The following BOD1L1 variants were observed in gnomAD, a reference collection of about 807,000 sequenced individuals.
BOD1L1 encodes biorientation of chromosomes in cell division protein 1-like 1.
BOD1L1 carries 86 observed loss-of-function variants against 240.7 expected under a neutral mutation model. That is an observed-to-expected ratio of 0.36 (90% CI 0.30 to 0.43). The LOEUF (loss-of-function observed/expected upper bound fraction) is 0.43, where lower values mean the gene tolerates loss of function less well. BOD1L1 is among the 20% of genes least tolerant of loss of function. The pLI is 1.00. For synonymous variants in BOD1L1, 1,268 were observed against 1,272.3 expected (o/e 1.00, Z 0.07); for missense variants, 3,554 against 3,643.5 (o/e 0.98, Z 0.63).
rs958400335 is a variant in BOD1L1 at position 13,609,237 on chromosome 4, C to G, written c.1603+58G>C. On this transcript the variant is annotated intron_variant, in intron 7 of 25. Coordinates refer to ENST00000040738, the MANE Select transcript of BOD1L1 (RefSeq NM_148894.3). The stretch of plus-strand genomic sequence containing the variant: ...ATGTCTCATAAGTAATATAAGAGTA[C>G]CCAGAAAATAATGAAATATATGAGA... 34 of 988,090 alleles carry G rather than the reference C, an allele frequency of 3.4e-5. No individual in the cohort carries two copies. The East Asian group carries it at 1.1e-3, about 31-fold the overall frequency. The allele number at this position is 988,090 out of a possible 1,614,324, so 61.2% of individuals were successfully genotyped here.
rs1325235752 is a variant in BOD1L1, at chr4:13,599,871, G to A, written c.7029C>T (p.Ser2343=). 5.6e-6 allele frequency: 9 copies of A among 1,613,874 alleles called. No individual in the cohort carries two copies. Among genetic ancestry groups the A allele is most frequent in the Non-Finnish European group, 6.8e-6 (8 of 1,179,888 alleles). The change falls in exon 10 of 26, where the codon AGC becomes AGT. Residue 2343 remains serine (S), a synonymous_variant. Transcript: ENST00000040738. The stretch of plus-strand genomic sequence containing the variant: ...GCTGATTCTCTTCATGTCTGTCAAT[G>A]CTGGCGGAAATTGGCATACATTCTG... ...STAECMPISA[S]IDRHEENQLT...
chr4:13,583,146 G>A (rs925408731), intron 17 of BOD1L1, among the ~76,000 whole-genome samples: 16 of 152,126 alleles, frequency 1.1e-4, no homozygotes, highest in African/African-American at 3.4e-4. Flanking sequence ...GGTGCCAAAG[G>A]GAATTTCTGG....
chr4:13,583,042 A>G (rs1437393348), intron 17 of BOD1L1, among the ~76,000 whole-genome samples: 2 of 152,196 alleles, frequency 1.3e-5, no homozygotes, highest in African/African-American at 4.8e-5. Context: ...TTTTTAAGAC[A>G]AACTCCAAAG....
At chr4:13,582,391 T>C (rs1713305222) in intron 18 of BOD1L1, 81 bp from the exon 19 acceptor site, 2 of 1,054,458 alleles carry the variant, frequency 1.9e-6, no homozygotes, top group Admixed American at 4.0e-5. Flanking sequence ...CCTACACAGC[T>C]GCAGCCACAC....
Position 13,604,756 on chromosome 4 carries a change from C to T in BOD1L1, c.2144G>A (p.Ser715Asn). 6.2e-7 allele frequency: 1 copy of T among 1,613,042 alleles called. No homozygotes were observed. The highest frequency in any genetic ancestry group is 1.1e-5 in the South Asian group (1 of 90,710). The change falls in exon 10 of 26, where the codon AGC (serine) becomes AAC (asparagine). Residue 715 changes from serine (S) to asparagine (N), a missense_variant. By Grantham distance (46) the Ser-to-Asn change is conservative. This residue lies in a region of BOD1L1 where 3,393 missense variants were observed against 3,427.1 expected (regional missense o/e 0.99). Coordinates refer to ENST00000040738, the MANE Select transcript of BOD1L1 (RefSeq NM_148894.3). ...GGATTTCACCTCTTTCTTAAGTAGG[C>T]TTTTCAAATGTGGTGTTTCAGAATC... is the stretch of plus-strand genomic sequence containing the variant. The part of the protein sequence containing the change: ...KDDSETPHLK[S>N]LLKKEVKSSK...
chr4:13,573,772 C>A (rs1235074384), intron 25 of BOD1L1, among the ~76,000 whole-genome samples: 1 of 152,174 alleles, frequency 6.6e-6, no homozygotes, highest in Non-Finnish European at 1.5e-5. Flanking sequence ...GAGCCACCAG[C>A]CTTGGACTCC....
chr4:13,614,057 T>G (rs774328947), intron 4 of BOD1L1, 139 bp downstream of exon 4: 43 of 737,100 alleles, frequency 5.8e-5, no homozygotes, highest in Non-Finnish European at 8.8e-5. Context: ...TTTATTGCTT[T>G]TTTTCTTAAG....
In BOD1L1 at chr4:13,582,416, C is replaced by T. The variant is rs1713307641; in HGVS notation, c.8519-106G>A. 5.9e-6 allele frequency: 5 copies of T among 846,800 alleles called. No individual in the cohort carries two copies. In the South Asian group the frequency reaches 8.0e-5, roughly 14 times the overall value. 52.5% of individuals were successfully genotyped at this position (846,800 alleles called of 1,614,324 possible). ...TGCAGCCACACATAACCACACACTC[C>T]ATTTTCATGTTTCTACCATCAAAAT... On this transcript the variant is annotated intron_variant, in intron 18 of 25. Coordinates refer to ENST00000040738, the MANE Select transcript of BOD1L1 (RefSeq NM_148894.3).
rs756962682 is a variant in BOD1L1, at chr4:13,614,782, A to G, written c.588T>C (p.Asn196=). ...ATATCGACATGGCATCATTGGCTAC[A>G]TTAGCACTGGGCCCAGGAGTAGGAA... ...QGVPTPGPSA[N]VANDAMSILE... is the part of the protein sequence containing the mutation. Residue 196 remains asparagine (N), a synonymous_variant, in exon 4 of 26, where the codon AAT becomes AAC. Coordinates refer to ENST00000040738, the MANE Select transcript of BOD1L1 (RefSeq NM_148894.3). 6.8e-6 allele frequency: 11 copies of G among 1,613,352 alleles called. No individual in the cohort carries two copies. Among genetic ancestry groups the G allele is most frequent in the Admixed American group, 1.7e-5 (1 of 59,882 alleles).
chr4:13,572,046 C>T (rs1376365114), intron 25 of BOD1L1, among the ~76,000 whole-genome samples: 1 of 152,110 alleles, frequency 6.6e-6, no homozygotes, highest in East Asian at 1.9e-4. Context: ...GAAAGTATGA[C>T]AAATTCCTAT....
chr4:13,577,841 GATTTT>G (rs1195203600), intron 22 of BOD1L1: 2 of 386,352 alleles, frequency 5.2e-6, no homozygotes, highest in African/African-American at 2.1e-5. Flanking sequence ...TTTCATTTCA[GATTTT>G]ATTTAAATTT....
chr4:13,603,464 G>A lies in BOD1L1; in HGVS notation c.3436C>T (p.Gln1146Ter). The A allele has an allele frequency of 6.2e-7, 1 of 1,613,892 alleles. No homozygotes were observed. Among genetic ancestry groups the A allele is most frequent in the South Asian group, 1.1e-5 (1 of 91,066 alleles). ...KTQDNRNNNSQQDIDSENMKQ... is the reference protein window; with the variant it reads ...KTQDNRNNNS ...ATATTTTCAGAGTCAATGTCTTGCT[G>A]AGAATTATTATTGCGGTTGTCTTGG... Residue 1146 changes from glutamine (Q) to a stop codon, truncating the protein, a stop_gained, in exon 10 of 26, where the codon CAG becomes TAG. Transcript: ENST00000040738. LOFTEE classifies it high-confidence loss of function.
At chr4:13,583,914 T>G (rs569540803) in intron 17 of BOD1L1, among the ~76,000 whole-genome samples, 2 of 152,264 alleles carry the variant, frequency 1.3e-5, no homozygotes, top group African/African-American at 4.8e-5. Context: ...AACAAACAAG[T>G]GAGGGGCTCA....
intron 12 of BOD1L1, among the ~76,000 whole-genome samples, chr4:13,595,409 T>C (rs746659346): frequency 3.0e-4 from 45 of 152,120 alleles, no homozygotes; most frequent in Admixed American, 7.9e-4. Context: ...GAGACTGAGA[T>C]GAGGTTATAC....
intron 6 of BOD1L1, among the ~76,000 whole-genome samples, chr4:13,609,645 T>C (rs1421711562): frequency 1.3e-5 from 2 of 152,136 alleles, no homozygotes; most frequent in African/African-American, 4.8e-5. Context: ...TGTGAAAATT[T>C]GCCATTACTC....
At position 13,599,015 on chromosome 4, in the gene BOD1L1, T is replaced by C. The variant is rs1341810160; in HGVS notation, c.7885A>G (p.Arg2629Gly). The C allele has an allele frequency of 1.2e-6, 2 of 1,613,952 alleles. No individual in the cohort carries two copies. Among genetic ancestry groups the C allele is most frequent in the Non-Finnish European group, 1.7e-6 (2 of 1,179,822 alleles). ...TCTCCTTCCTCAGGGAATGATTTCC[T>C]TGTGCTGTTATCATCTCCTGTTTTC... Reference protein sequence around the residue: ...AEKTGDDNSTRKSFPEEGDIM... With the variant: ...AEKTGDDNSTGKSFPEEGDIM... The change falls in exon 10 of 26, where the codon AGG (arginine) becomes GGG (glycine). Residue 2629 changes from arginine (R) to glycine (G), a missense_variant. This residue lies in a region of BOD1L1 where 3,393 missense variants were observed against 3,427.1 expected (regional missense o/e 0.99). Coordinates refer to ENST00000040738, the MANE Select transcript of BOD1L1 (RefSeq NM_148894.3).
In BOD1L1 at chr4:13,588,162, C is replaced by A. The variant is rs563454260; in HGVS notation, c.8281-391G>T. Among the ~76,000 whole-genome samples, 117 of 142,490 alleles carry A rather than the reference C, an allele frequency of 8.2e-4. 1 individual carries two copies. Among genetic ancestry groups the A allele is most frequent in the Non-Finnish European group, 1.3e-3 (84 of 66,570 alleles). 93.5% of individuals were successfully genotyped at this position (142,490 alleles called of 152,430 possible). ...GCGTTCACACCACTGCACTCCAGCC[C>A]GTGCAACAGGGGGAGACTGTTTCAA... On this transcript the variant is annotated intron_variant, in intron 15 of 25. Transcript: ENST00000040738.
chr4:13,619,928 A>T lies in BOD1L1; in HGVS notation c.368+15T>A. On this transcript the variant is annotated intron_variant, in intron 2 of 25. Coordinates refer to ENST00000040738, the MANE Select transcript of BOD1L1 (RefSeq NM_148894.3). ...ACATTTAAAACCTGCCCAGAACTCTATCTCTGAGACTTACTTGAGGACTTG... is the reference window on the plus strand; with the variant it reads ...ACATTTAAAACCTGCCCAGAACTCTTTCTCTGAGACTTACTTGAGGACTTG... The T allele has an allele frequency of 6.2e-7, 1 of 1,612,000 alleles. No individual in the cohort carries two copies. Among genetic ancestry groups the T allele is most frequent in the Non-Finnish European group, 8.5e-7 (1 of 1,178,924 alleles).
At chr4:13,587,151 T>A (rs544878090) in intron 16 of BOD1L1, among the ~76,000 whole-genome samples, 3 of 152,222 alleles carry the variant, frequency 2.0e-5, no homozygotes, top group African/African-American at 7.2e-5. Context: ...TACTGAAATA[T>A]AAAATAATTA....
Sources: gnomAD v4.1 joint callset for allele counts (sites outside exome capture counted in the v4.1 genomes callset) on GRCh38, gnomAD v4.1.1 for gene constraint, gnomAD v4.1.1 regional missense constraint, MANE v1.5 for transcripts, NCBI Gene and HGNC (gene_info 2026-07-23, HGNC 2026-07-21) for gene names.